Variants in COX18 observed in about 807,000 individuals in gnomAD.
The protein encoded by COX18 is cytochrome c oxidase assembly protein COX18, mitochondrial.
COX18 carries 45 observed loss-of-function variants against 38.0 expected under a neutral mutation model. The observed-to-expected ratio is 1.18, with a 90% confidence interval of 0.93 to 1.52. The LOEUF is 1.52. Among genes scored for constraint, COX18 ranks in the 40% most tolerant of loss-of-function variants. COX18 has a pLI of 0.00. For missense variants in COX18, 462 were observed against 423.8 expected, an observed-to-expected ratio of 1.09 and a Z score of -0.79; for synonymous variants, 177 against 169.8, an observed-to-expected ratio of 1.04 and a Z score of -0.33.
chr4:73,064,961 T>C (rs1720364324), intron 3 of COX18, 59 bp from the exon 4 acceptor site: 1 of 1,527,674 alleles, frequency 6.5e-7, no homozygotes, highest in African/African-American at 1.4e-5. Context: ...GAAAAATATA[T>C]AAGACATAAA....
chr4:73,066,765 T>C (rs114503536), intron 2 of COX18, among the ~76,000 whole-genome samples: 363 of 152,304 alleles, frequency 2.4e-3, no homozygotes, highest in African/African-American at 7.0e-3. Flanking sequence ...TTCAAACCTA[T>C]AGGTCAACTT....
At chr4:73,063,270 C>T (rs769525732) in intron 4 of COX18, among the ~76,000 whole-genome samples, 2 of 152,146 alleles carry the variant, frequency 1.3e-5, no homozygotes, top group Non-Finnish European at 2.9e-5. Flanking sequence ...CACACCACTG[C>T]ACTCCAGCCT....
At position 73,065,395 on chromosome 4, in the gene COX18, A is replaced by G; in HGVS notation, c.453T>C (p.Asn151=). ...ATAGCTCTGAAATTAGCCTCCTCAT[A>G]TTCTTTAGATAAGTGAGCCTAGATT... ...KRDARLTYLK[N]MRRLISELYV... Residue 151 remains asparagine, a synonymous_variant, in exon 3 of 6, where the codon AAT becomes AAC. Transcript: ENST00000507544. The G allele has an allele frequency of 1.2e-6, 2 of 1,612,618 alleles. No individual in the cohort carries two copies. Among genetic ancestry groups the G allele is most frequent in the Non-Finnish European group, 8.5e-7 (1 of 1,179,282 alleles).
At chr4:73,068,619 T>G (rs571778611) in intron 1 of COX18, 10 of 152,954 alleles carry the variant, frequency 6.5e-5, no homozygotes, top group African/African-American at 2.4e-4. Context: ...GCTGATTCCG[T>G]TCCTGTTTTG....
rs1376625255 is a variant in COX18, at chr4:73,069,670, C to A, written c.-21G>T. On this transcript the variant is annotated 5_prime_UTR_variant, in exon 1 of 6. Transcript: ENST00000507544. Reference sequence around the variant, plus strand: ...AGCATTTCTGCACCACGGCGGAGCCCAGATCCCGGGCCTCACAATCCAGCG... The same window carrying A: ...AGCATTTCTGCACCACGGCGGAGCCAAGATCCCGGGCCTCACAATCCAGCG... 1.9e-6 allele frequency: 3 copies of A among 1,538,880 alleles called. No homozygotes were observed. The highest frequency in any genetic ancestry group is 8.7e-7 in the Non-Finnish European group (1 of 1,147,720).
chr4:73,066,674 G>A (rs187277457), intron 2 of COX18, among the ~76,000 whole-genome samples: 16 of 152,296 alleles, frequency 1.1e-4, no homozygotes, highest in Admixed American at 3.9e-4. Context: ...TCTAGGCTGC[G>A]TTGATAACCC....
At chr4:73,062,607 T>C (rs927904615) in intron 4 of COX18, among the ~76,000 whole-genome samples, 3 of 152,182 alleles carry the variant, frequency 2.0e-5, no homozygotes, top group East Asian at 1.9e-4. Context: ...GGCAGGCCGA[T>C]TGTTTGAGCT....
In COX18 at chr4:73,067,888, A is replaced by T. The variant is rs866453146; in HGVS notation, c.434+141T>A. 2.0e-3 allele frequency: 244 copies of T among 120,188 alleles called. 1 individual carries two copies. The highest frequency in any genetic ancestry group is 7.3e-3 in the East Asian group (27 of 3,694). 7.4% of individuals were successfully genotyped at this position (120,188 alleles called of 1,614,324 possible). ...AAATATATATATATATATATATAAAAAAAGAAATACTTTACTGCCAAAACT... is the reference window on the plus strand; with the variant it reads ...AAATATATATATATATATATATAAATAAAGAAATACTTTACTGCCAAAACT... On this transcript the variant is annotated intron_variant, in intron 2 of 5. Transcript: ENST00000507544.
In COX18 at chr4:73,065,287, A is replaced by C. The variant is rs751341966; in HGVS notation, c.561T>G (p.Ala187=). 1.1e-5 allele frequency: 17 copies of C among 1,613,074 alleles called. No homozygotes were observed. The African/African-American group carries it at 2.1e-4, about 20-fold the overall frequency. ...QLPMWIFMSF[A]LRNLSTGAAH... Reference sequence around the variant, plus strand: ...CTGCCCCCGTGCTTAAATTCCGGAGAGCAAAAGACATGAAGATCCACATTG... The same window carrying C: ...CTGCCCCCGTGCTTAAATTCCGGAGCGCAAAAGACATGAAGATCCACATTG... The change falls in exon 3 of 6, where the codon GCT becomes GCG. Residue 187 remains alanine (A), a synonymous_variant. Coordinates refer to ENST00000507544, the MANE Select transcript of COX18 (RefSeq NM_001297732.2).
chr4:73,058,496 G>A (rs1357678570), intron 5 of COX18, among the ~76,000 whole-genome samples: 1 of 152,130 alleles, frequency 6.6e-6, no homozygotes, highest in Non-Finnish European at 1.5e-5. Context: ...AGGAAAAAGA[G>A]AAGTATTTAG....
At position 73,069,531 on chromosome 4, in the gene COX18, A is replaced by G. The variant is rs1354171668; in HGVS notation, c.119T>C (p.Val40Ala). The change falls in exon 1 of 6, where the codon GTG becomes GCG. Residue 40 changes from valine (V) to alanine (A), a missense_variant. Physicochemically the swap from Val to Ala is moderately conservative, Grantham distance 64. Coordinates refer to ENST00000507544, the MANE Select transcript of COX18 (RefSeq NM_001297732.2). Reference protein sequence around the residue: ...TSGAKRPTLPVWAVAPVSAVH... With the variant: ...TSGAKRPTLPAWAVAPVSAVH... ...TGCAGAGACTGGTGCCACTGCCCAC[A>G]CTGGGAGAGTGGGGCGCTTGGCGCC... 1.9e-6 allele frequency: 3 copies of G among 1,580,810 alleles called. No homozygotes were observed. The highest frequency in any genetic ancestry group is 2.6e-6 in the Non-Finnish European group (3 of 1,163,914).
At chr4:73,061,978 C>T (rs878955730) in intron 4 of COX18, 58 bp from the exon 5 acceptor site, 3 of 901,104 alleles carry the variant, frequency 3.3e-6, no homozygotes, top group South Asian at 1.5e-5. Context: ...TTAAATCAGA[C>T]AAGCTTTAAA....
intron 2 of COX18, among the ~76,000 whole-genome samples, 165 bp downstream of exon 2, chr4:73,067,864 A>AAAAAAAAATATAT: frequency 2.5e-4 from 5 of 20,004 alleles, no homozygotes; most frequent in East Asian, 2.3e-3. Flanking sequence ...AAAAAAAAAA[A>AAAAAAAAATATAT]ATATATATAT....
chr4:73,065,878 C>T (rs1446947250), intron 2 of COX18, among the ~76,000 whole-genome samples: 1 of 152,158 alleles, frequency 6.6e-6, no homozygotes, highest in African/African-American at 2.4e-5. Flanking sequence ...CTCCATTTTT[C>T]AATCAACTAT....
intron 5 of COX18, among the ~76,000 whole-genome samples, chr4:73,058,813 T>A (rs1440569030): frequency 6.6e-6 from 1 of 152,206 alleles, no homozygotes; most frequent in African/African-American, 2.4e-5. Context: ...CAAATTTCTT[T>A]TGTATTACCA....
In COX18 at chr4:73,067,950, ATGTATGTGTGTGTG is replaced by A. The variant is rs1720547674; in HGVS notation, c.434+65_434+78del. The A allele has an allele frequency of 8.7e-6, 6 of 691,102 alleles. No homozygotes were observed. The Admixed American group carries it at 1.4e-4, about 16-fold the overall frequency. 42.8% of individuals were successfully genotyped at this position (691,102 alleles called of 1,614,324 possible). A position where few individuals can be genotyped will look rare whatever the true frequency, so the allele number is the denominator to read the frequency against. ...AAACTTATAATTAACATCACAATTT[ATGTATGTGTGTGTG>A]TGTGTGTGTGTGTGTGTGTGTGTGT... On this transcript the variant is annotated intron_variant, in intron 2 of 5. Coordinates refer to ENST00000507544, the MANE Select transcript of COX18 (RefSeq NM_001297732.2).
Position 73,069,508 on chromosome 4 carries a change from C to T in COX18, c.142G>A (p.Ala48Thr). Residue 48 changes from alanine (A) to threonine (T), a missense_variant, in exon 1 of 6, where the codon GCA becomes ACA. Coordinates refer to ENST00000507544, the MANE Select transcript of COX18 (RefSeq NM_001297732.2). Reference sequence around the variant, plus strand: ...TCGTACCAGCCGTTCGCATGTACTGCAGAGACTGGTGCCACTGCCCACACT... The same window carrying T: ...TCGTACCAGCCGTTCGCATGTACTGTAGAGACTGGTGCCACTGCCCACACT... ...LPVWAVAPVS[A>T]VHANGWYEAL... The T allele has an allele frequency of 6.3e-7, 1 of 1,589,854 alleles. No homozygotes were observed. The highest frequency in any genetic ancestry group is 8.6e-7 in the Non-Finnish European group (1 of 1,168,842).
At chr4:73,066,084 T>G (rs1720433556) in intron 2 of COX18, among the ~76,000 whole-genome samples, 1 of 152,242 alleles carries the variant, frequency 6.6e-6, no homozygotes, top group Admixed American at 6.5e-5. Flanking sequence ...GTATCATATA[T>G]TTTGTACAGA....
At position 73,058,123 on chromosome 4, in the gene COX18, T is replaced by G; in HGVS notation, c.996A>C (p.Ser332=). The part of the protein sequence containing the change: ...IFAAFNTKFI[S]RK ...ATTATTGGAAAATATGTCATTTTCTTGAAATGAACTTGGTATTAAAGGCAG... is the reference window on the plus strand; with the variant it reads ...ATTATTGGAAAATATGTCATTTTCTGGAAATGAACTTGGTATTAAAGGCAG... Residue 332 remains serine (S), a synonymous_variant, in exon 6 of 6, where the codon TCA becomes TCC. Transcript: ENST00000507544. 6.3e-7 allele frequency: 1 copy of G among 1,578,400 alleles called. No individual in the cohort carries two copies. Among genetic ancestry groups the G allele is most frequent in the Non-Finnish European group, 8.6e-7 (1 of 1,158,930 alleles).
Sources: allele counts gnomAD v4.1 joint callset (sites outside exome capture counted in the v4.1 genomes callset), GRCh38; gene constraint gnomAD v4.1.1; transcripts MANE v1.5; gene names NCBI Gene and HGNC (gene_info 2026-07-23, HGNC 2026-07-21).